WIPF1: variants seen among roughly 807,000 people sequenced by gnomAD.
The protein encoded by WIPF1 is WAS/WASL-interacting protein family member 1.
A neutral mutation model predicts 35.4 loss-of-function variants in WIPF1; 13 were observed. The observed-to-expected ratio is 0.37, with a 90% CI of 0.24 to 0.58. The LOEUF (loss-of-function observed/expected upper bound fraction) is 0.58, where lower values mean the gene tolerates loss of function less well. Among genes scored for constraint, WIPF1 ranks in the 20% least tolerant of loss-of-function variants. The pLI is 0.74. For synonymous variants in WIPF1, 267 were observed against 266.3 expected (o/e 1.00, Z -0.02); for missense variants, 591 against 667.0 (o/e 0.89, Z 1.25).
chr2:174,647,269 C>T (rs990311738), intron 1 of WIPF1, among the ~76,000 whole-genome samples: 4 of 151,576 alleles, frequency 2.6e-5, no homozygotes, highest in African/African-American at 9.7e-5. Context: ...TCCTAGCTAT[C>T]TGGCAGGCTG....
intron 4 of WIPF1, among the ~76,000 whole-genome samples, chr2:174,573,745 A>G (rs1684951200): frequency 6.6e-6 from 1 of 152,196 alleles, no homozygotes; most frequent in Admixed American, 6.5e-5. Context: ...ATCCATGGGA[A>G]GTGGAGCCTG....
chr2:174,645,476 T>C (rs1164291378), intron 1 of WIPF1, among the ~76,000 whole-genome samples: 1 of 152,168 alleles, frequency 6.6e-6, no homozygotes, highest in Admixed American at 6.5e-5. Context: ...GTACGTCAAA[T>C]GGTCCAGCCA....
At chr2:174,600,956 A>T (rs1685986682), upstream of WIPF1, among the ~76,000 whole-genome samples, 1 of 105,516 alleles carries the variant, frequency 9.5e-6, no homozygotes, top group South Asian at 3.1e-4. Flanking sequence ...ACAGAGTCGT[A>T]CTCTGTCACC....
At chr2:174,657,704 C>T (rs1372719473) in intron 1 of WIPF1, among the ~76,000 whole-genome samples, 1 of 151,950 alleles carries the variant, frequency 6.6e-6, no homozygotes, top group Non-Finnish European at 1.5e-5. Context: ...ACCAGCCTGA[C>T]CAACATGGTG....
At chr2:174,672,617 G>T (rs1688042852) in intron 1 of WIPF1, among the ~76,000 whole-genome samples, 1 of 152,200 alleles carries the variant, frequency 6.6e-6, no homozygotes, top group African/African-American at 2.4e-5. Flanking sequence ...TCAGGCTTCG[G>T]CTCCTCAGGC....
Position 174,618,602 on chromosome 2 carries a change from G to A in WIPF1, c.-38-32991C>T, listed in dbSNP as rs1307958165. On this transcript the variant is annotated intron_variant, in intron 1 of 8. Transcript: ENST00000272746. ...TGATTATGTGCTAAGGAGTGTTCTA[G>A]GTGCTTTTATAAGTATTATCAACTC... Among the ~76,000 whole-genome samples, 7 of 152,332 alleles carry A rather than the reference G, an allele frequency of 4.6e-5. No individual in the cohort carries two copies. The South Asian group carries it at 8.3e-4, about 18-fold the overall frequency.
rs114332515 is a variant in WIPF1 at position 174,640,799 on chromosome 2, A to G, written c.-39+41975T>C. ...TCTTTAATTTAAAGAATTTAAATTT[A>G]AAGAATTAATATTGTTAAAATGGCC... On this transcript the variant is annotated intron_variant, in intron 1 of 8. Coordinates refer to the WIPF1 transcript ENST00000272746. 2.9e-3 allele frequency among the ~76,000 whole-genome samples: 436 copies of G among 152,156 alleles called. 3 individuals are homozygous for G. The highest frequency in any genetic ancestry group is 9.9e-3 in the African/African-American group (411 of 41,542).
At chr2:174,631,037 G>A (rs1195345873) in intron 1 of WIPF1, among the ~76,000 whole-genome samples, 1 of 152,216 alleles carries the variant, frequency 6.6e-6, no homozygotes, top group African/African-American at 2.4e-5. Context: ...GGGAGGAAGA[G>A]TGGTATAAGA....
intron 1 of WIPF1, among the ~76,000 whole-genome samples, chr2:174,646,932 G>A (rs1396005782): frequency 6.6e-6 from 1 of 152,168 alleles, no homozygotes; most frequent in Admixed American, 6.5e-5. Context: ...TTATTTCTGA[G>A]GGTGTTTTGC....
intron 6 of WIPF1, 54 bp downstream of exon 6, chr2:174,567,807 G>C (rs1684708149): frequency 6.7e-7 from 1 of 1,498,194 alleles, no homozygotes; most frequent in African/African-American, 1.4e-5. Context: ...TATACAAACA[G>C]ATTTACCATT....
intron 4 of WIPF1, among the ~76,000 whole-genome samples, chr2:174,573,824 C>T (rs1444514291): frequency 6.6e-6 from 1 of 151,798 alleles, no homozygotes; most frequent in African/African-American, 2.4e-5. Flanking sequence ...ATCTAAGGCA[C>T]AGGAAGAAGC....
intron 3 of WIPF1, among the ~76,000 whole-genome samples, chr2:174,580,698 G>A (rs997667220): frequency 6.6e-6 from 1 of 152,202 alleles, no homozygotes; most frequent in Non-Finnish European, 1.5e-5. Context: ...TTAATAAGTA[G>A]CTTTGTTCCA....
Position 174,561,922 on chromosome 2 carries a change from G to T in WIPF1, c.*625C>A. 1 of 793,684 alleles carries T rather than the reference G, an allele frequency of 1.3e-6. No individual in the cohort carries two copies. Among genetic ancestry groups the T allele is most frequent in the Non-Finnish European group, 1.9e-6 (1 of 516,386 alleles). 49.2% of individuals were successfully genotyped at this position (793,684 alleles called of 1,614,324 possible). A position where few individuals can be genotyped will look rare whatever the true frequency, so the allele number is the denominator to read the frequency against. On this transcript the variant is annotated 3_prime_UTR_variant, in exon 8 of 8. Coordinates refer to ENST00000679041, the MANE Select transcript of WIPF1 (RefSeq NM_001375834.1). Reference sequence around the variant, plus strand: ...ATAAAATATCTCATTAAAATTTTATGTTGATTACAGGTTGAAATATTTTGG... The same window carrying T: ...ATAAAATATCTCATTAAAATTTTATTTTGATTACAGGTTGAAATATTTTGG...
intron 1 of WIPF1, among the ~76,000 whole-genome samples, chr2:174,616,171 A>C (rs541839786): frequency 6.6e-6 from 1 of 152,212 alleles, no homozygotes; most frequent in Non-Finnish European, 1.5e-5. Flanking sequence ...AGCTCATTTC[A>C]ACTCAAAAGA....
chr2:174,664,541 C>A (rs1559176419), intron 1 of WIPF1, among the ~76,000 whole-genome samples: 1 of 152,236 alleles, frequency 6.6e-6, no homozygotes, highest in Non-Finnish European at 1.5e-5. Flanking sequence ...AAACTCAGTG[C>A]AGTTTCAAAT....
intron 1 of WIPF1, among the ~76,000 whole-genome samples, chr2:174,642,540 G>A (rs1687320283): frequency 6.6e-6 from 1 of 151,662 alleles, no homozygotes; most frequent in African/African-American, 2.4e-5. Flanking sequence ...GTAGAGAAGG[G>A]GTTTCACTGT....
At chr2:174,599,676 A>G (rs1284372724), upstream of WIPF1, among the ~76,000 whole-genome samples, 1 of 152,164 alleles carries the variant, frequency 6.6e-6, no homozygotes, top group African/African-American at 2.4e-5. Context: ...TCTTTGGGGA[A>G]GTCTAATTAT....
intron 3 of WIPF1, among the ~76,000 whole-genome samples, chr2:174,580,287 A>AGTG (rs1685193833): frequency 6.6e-6 from 1 of 152,162 alleles, no homozygotes. Context: ...TCTCACTCGC[A>AGTG]GCACTTTGCC....
chr2:174,607,954 C>T (rs999752866), intron 1 of WIPF1, among the ~76,000 whole-genome samples: 5 of 152,192 alleles, frequency 3.3e-5, no homozygotes, highest in African/African-American at 1.2e-4. Flanking sequence ...TGCTGCTCCA[C>T]GTTTGGCTCT....
Sources: allele counts gnomAD v4.1 joint callset (sites outside exome capture counted in the v4.1 genomes callset), GRCh38; gene constraint gnomAD v4.1.1; transcripts MANE v1.5; gene names NCBI Gene and HGNC (gene_info 2026-07-23, HGNC 2026-07-21).